The following ICE1 variants were observed in gnomAD, a reference collection of about 807,000 sequenced individuals.
ICE1 encodes the protein interactor of little elongation complex ELL subunit 1, also known as little elongation complex subunit 1.
A neutral mutation model predicts 192.7 loss-of-function variants in ICE1; 64 were observed. The observed-to-expected ratio is 0.33, with a 90% confidence interval of 0.27 to 0.41. ICE1 has a LOEUF of 0.41. Among genes scored for constraint, ICE1 ranks in the 10% least tolerant of loss-of-function variants. The pLI is 1.00. For synonymous variants in ICE1, 1,010 were observed against 984.5 expected, an observed-to-expected ratio of 1.03 and a Z score of -0.49; for missense variants, 2,708 against 2,696.0, an observed-to-expected ratio of 1.00 and a Z score of -0.10.
At chr5:5,443,655 T>G (rs1738116025) in intron 6 of ICE1, among the ~76,000 whole-genome samples, 1 of 152,174 alleles carries the variant, frequency 6.6e-6, no homozygotes, top group Non-Finnish European at 1.5e-5. Flanking sequence ...TGCCAGTGCT[T>G]TAACCGATAG....
At chr5:5,439,425 TAA>T in intron 3 of ICE1, among the ~76,000 whole-genome samples, 1 of 152,270 alleles carries the variant, frequency 6.6e-6, no homozygotes, top group South Asian at 2.1e-4. Flanking sequence ...ACATAAATTG[TAA>T]AAAATGAGAG....
intron 1 of ICE1, among the ~76,000 whole-genome samples, chr5:5,432,461 G>A (rs527663447): frequency 6.6e-6 from 1 of 152,190 alleles, no homozygotes; most frequent in African/African-American, 2.4e-5. Flanking sequence ...TCACTTTTTG[G>A]CTAGTTTGAA....
chr5:5,468,017 T>G (rs1739041190), intron 14 of ICE1, among the ~76,000 whole-genome samples: 1 of 152,168 alleles, frequency 6.6e-6, no homozygotes. Context: ...CAAATGTCCA[T>G]CAGCAGGTGA....
chr5:5,466,276 G>T, intron 13 of ICE1, 58 bp from the exon 14 acceptor site: 1 of 1,421,420 alleles, frequency 7.0e-7, no homozygotes, highest in South Asian at 1.5e-5. Flanking sequence ...GATAATCTTT[G>T]GTAGGCTGAA....
At chr5:5,428,717 A>G (rs1737607158) in intron 1 of ICE1, among the ~76,000 whole-genome samples, 1 of 151,982 alleles carries the variant, frequency 6.6e-6, no homozygotes, top group African/African-American at 2.4e-5. Flanking sequence ...ACCTATTCAG[A>G]TTTTGCTTGC....
chr5:5,434,299 G>A (rs887289381), intron 1 of ICE1, among the ~76,000 whole-genome samples: 1 of 152,094 alleles, frequency 6.6e-6, no homozygotes, highest in African/African-American at 2.4e-5. Context: ...ATTCAATATT[G>A]TGCTGAAGCC....
chr5:5,451,741 C>T (rs967167803), intron 10 of ICE1, among the ~76,000 whole-genome samples: 2 of 152,178 alleles, frequency 1.3e-5, no homozygotes, highest in Middle Eastern at 3.4e-3. Context: ...GCTTTGTAAA[C>T]GTTCAGTGAA....
Position 5,437,091 on chromosome 5 carries a change from C to A in ICE1, c.155C>A (p.Thr52Lys). Residue 52 changes from threonine (T) to lysine (K), a missense_variant, in exon 3 of 19, where the codon ACA becomes AAA. Around this residue, in one of 2 missense-constraint regions of ICE1, gnomAD observed 2,366 missense variants for 2,276.6 expected, o/e 1.04. Coordinates refer to ENST00000296564, the MANE Select transcript of ICE1 (RefSeq NM_015325.3). Reference protein sequence around the residue: ...QKIINTDNLLTEYQKKCDELQ... With the variant: ...QKIINTDNLLKEYQKKCDELQ... ...TTTCTTTTTTGCAGTAATTTGTTAA[C>A]AGAATATCAGAAGAAATGTGATGAT... 6.6e-7 allele frequency: 1 copy of A among 1,525,764 alleles called. No homozygotes were observed. The highest frequency in any genetic ancestry group is 8.9e-7 in the Non-Finnish European group (1 of 1,118,706). The allele number at this position is 1,525,764 out of a possible 1,614,324, so 94.5% of individuals were successfully genotyped here. A position where few individuals can be genotyped will look rare whatever the true frequency, so the allele number is the denominator to read the frequency against.
intron 10 of ICE1, among the ~76,000 whole-genome samples, chr5:5,451,818 A>T (rs937872607): frequency 1.3e-5 from 2 of 152,144 alleles, no homozygotes; most frequent in African/African-American, 4.8e-5. Context: ...TTTCCATTTT[A>T]TTCTCTTAGG....
chr5:5,464,428 A>G lies in ICE1; in HGVS notation c.5094A>G (p.Pro1698=), dbSNP rs775343612. ...PRRASPPDPS[P]SPSAASASER... is the part of the protein sequence containing the mutation. ...GTGCCTCTCCTCCAGATCCTTCTCCATCTCCATCTGCAGCTTCAGCCAGTG... is the reference window on the plus strand; with the variant it reads ...GTGCCTCTCCTCCAGATCCTTCTCCGTCTCCATCTGCAGCTTCAGCCAGTG... The change falls in exon 13 of 19, where the codon CCA becomes CCG. Residue 1698 remains proline (P), a synonymous_variant. Coordinates refer to ENST00000296564, the MANE Select transcript of ICE1 (RefSeq NM_015325.3). The surrounding 1 kb of genome is among the most constrained non-coding windows in gnomAD (Gnocchi z 4.0). 1.2e-6 allele frequency: 2 copies of G among 1,613,576 alleles called. No individual in the cohort carries two copies. Among genetic ancestry groups the G allele is most frequent in the Non-Finnish European group, 8.5e-7 (1 of 1,179,804 alleles).
intron 1 of ICE1, among the ~76,000 whole-genome samples, chr5:5,426,953 G>C (rs1279608313): frequency 6.6e-6 from 1 of 152,190 alleles, no homozygotes; most frequent in Non-Finnish European, 1.5e-5. Context: ...ATAGGAGTCA[G>C]TCTTTCCAAT....
intron 1 of ICE1, among the ~76,000 whole-genome samples, chr5:5,423,413 G>A (rs1175174980): frequency 2.0e-5 from 3 of 146,490 alleles, no homozygotes; most frequent in Non-Finnish European, 1.5e-5. Flanking sequence ...TTTGTTGTTT[G>A]GAGGCAGAAT....
rs1387865596 is a variant in ICE1, at chr5:5,462,317, A to G, written c.2983A>G (p.Ser995Gly). 3 of 1,613,902 alleles carry G rather than the reference A, an allele frequency of 1.9e-6. No homozygotes were observed. The highest frequency in any genetic ancestry group is 2.5e-6 in the Non-Finnish European group (3 of 1,179,900). Reference sequence around the variant, plus strand: ...GCCTCAGGCCACAGATCTGGACTCCAGTGGGACACATGGCAGTGAGATGCT... The same window carrying G: ...GCCTCAGGCCACAGATCTGGACTCCGGTGGGACACATGGCAGTGAGATGCT... Reference protein sequence around the residue: ...RQPQATDLDSSGTHGSEMLPA... With the variant: ...RQPQATDLDSGGTHGSEMLPA... Residue 995 changes from serine (S) to glycine (G), a missense_variant, in exon 13 of 19, where the codon AGT becomes GGT. Ser to Gly is a moderately conservative substitution (Grantham distance 56). Around this residue, in one of 2 missense-constraint regions of ICE1, gnomAD observed 2,366 missense variants for 2,276.6 expected, o/e 1.04. Transcript: ENST00000296564.
chr5:5,467,886 A>G (rs948255356), intron 14 of ICE1, among the ~76,000 whole-genome samples: 6 of 152,242 alleles, frequency 3.9e-5, no homozygotes, highest in Admixed American at 2.6e-4. Context: ...CATTTATCCT[A>G]TGGCTCAGAA....
chr5:5,434,312 A>G (rs1737807057), intron 1 of ICE1, among the ~76,000 whole-genome samples: 1 of 152,200 alleles, frequency 6.6e-6, no homozygotes, highest in Non-Finnish European at 1.5e-5. Context: ...CTGAAGCCTT[A>G]GTCAGTTCAG....
intron 1 of ICE1, among the ~76,000 whole-genome samples, chr5:5,432,385 T>G (rs1215795764): frequency 3.3e-5 from 5 of 152,252 alleles, no homozygotes; most frequent in African/African-American, 1.2e-4. Context: ...GTCAAATAAT[T>G]CCTGTTGTAT....
chr5:5,433,239 C>T (rs1026231712), intron 1 of ICE1, among the ~76,000 whole-genome samples: 12 of 152,146 alleles, frequency 7.9e-5, no homozygotes, highest in African/African-American at 2.2e-4. Context: ...AAAAGCAAAC[C>T]TCTTTCTGCT....
Position 5,431,780 on chromosome 5 carries a change from C to T in ICE1, c.85-4638C>T, listed in dbSNP as rs562429523. ...ATCCTATTGAAGTCCATATTCCAGG[C>T]CCTTTCAATTAGAAATTTCTAGATT... On this transcript the variant is annotated intron_variant, in intron 1 of 18. Coordinates refer to ENST00000296564, the MANE Select transcript of ICE1 (RefSeq NM_015325.3). 2.0e-5 allele frequency among the ~76,000 whole-genome samples: 3 copies of T among 151,982 alleles called. No individual in the cohort carries two copies. In the East Asian group the frequency reaches 5.8e-4, roughly 29 times the overall value.
rs771906611 is a variant in ICE1, at chr5:5,476,066, A to G, written c.6507A>G (p.Ile2169Met). 1 of 1,574,448 alleles carries G rather than the reference A, an allele frequency of 6.4e-7. No individual in the cohort carries two copies. Among genetic ancestry groups the G allele is most frequent in the South Asian group, 1.2e-5 (1 of 85,554 alleles). Residue 2169 changes from isoleucine to methionine, a missense_variant, in exon 17 of 19, where the codon ATA becomes ATG. Coordinates refer to ENST00000296564, the MANE Select transcript of ICE1 (RefSeq NM_015325.3). Reference protein sequence around the residue: ...AYTPDIIIASILRLIGRLGQL... With the variant: ...AYTPDIIIASMLRLIGRLGQL... The stretch of plus-strand genomic sequence containing the variant: ...CTCCTGATATTATTATAGCCTCAAT[A>G]CTGAGGCTGATTGGTAAGTTGTCTG...
Sources: allele counts gnomAD v4.1 joint callset (sites outside exome capture counted in the v4.1 genomes callset), GRCh38; gene constraint gnomAD v4.1.1; regional missense constraint gnomAD v4.1.1; non-coding constraint Gnocchi (gnomAD v3.1); transcripts MANE v1.5; gene names NCBI Gene and HGNC (gene_info 2026-07-23, HGNC 2026-07-21).